CNTNAP5: variants seen among roughly 807,000 people sequenced by gnomAD.
CNTNAP5 encodes the protein contactin associated protein family member 5, also known as contactin-associated protein-like 5.
CNTNAP5 carries 72 observed loss-of-function variants against 150.2 expected under a neutral mutation model. That is an observed-to-expected ratio of 0.48 (90% CI 0.40 to 0.58). The LOEUF (loss-of-function observed/expected upper bound fraction) is 0.58, where lower values mean the gene tolerates loss of function less well. Among genes scored for constraint, CNTNAP5 ranks in the 20% least tolerant of loss-of-function variants. The pLI is 0.00. For missense variants in CNTNAP5, 1,636 were observed against 1,626.2 expected, an observed-to-expected ratio of 1.01 and a Z score of -0.10; for synonymous variants, 672 against 619.8, an observed-to-expected ratio of 1.08 and a Z score of -1.25.
At chr2:124,869,568 G>A (rs952839643) in intron 20 of CNTNAP5, 107 bp from the exon 21 acceptor site, 1 of 680,658 alleles carries the variant, frequency 1.5e-6, no homozygotes, top group South Asian at 1.7e-5. Context: ...TCAGAGGGGG[G>A]TCTGCTATCT....
At chr2:124,484,413 G>A (rs974328961) in intron 7 of CNTNAP5, among the ~76,000 whole-genome samples, 5 of 152,140 alleles carry the variant, frequency 3.3e-5, no homozygotes, top group Admixed American at 1.3e-4. Context: ...AATCTTTGAA[G>A]GAAGTAAGAT....
chr2:124,448,739 CAG>C (rs201123808), intron 6 of CNTNAP5, among the ~76,000 whole-genome samples: 1 of 152,162 alleles, frequency 6.6e-6, no homozygotes, highest in Non-Finnish European at 1.5e-5. Context: ...GAATATATGA[CAG>C]AGACTCTAAG....
chr2:124,832,451 C>A (rs1417245448), intron 19 of CNTNAP5, among the ~76,000 whole-genome samples: 1 of 152,070 alleles, frequency 6.6e-6, no homozygotes, highest in African/African-American at 2.4e-5. Flanking sequence ...AATATAAACT[C>A]ACTAATTTAA....
At chr2:124,081,818 G>A (rs182647683) in intron 1 of CNTNAP5, among the ~76,000 whole-genome samples, 75 of 152,288 alleles carry the variant, frequency 4.9e-4, no homozygotes, top group Admixed American at 1.2e-3. Context: ...GAAATAGTGA[G>A]AGATCCTGTG....
At chr2:124,403,166 G>A (rs892797999) in intron 3 of CNTNAP5, among the ~76,000 whole-genome samples, 1 of 152,224 alleles carries the variant, frequency 6.6e-6, no homozygotes, top group Non-Finnish European at 1.5e-5. Flanking sequence ...TTCAGAAAAT[G>A]TAAGTGTCAT....
chr2:124,492,060 T>C (rs1344472354), intron 7 of CNTNAP5, among the ~76,000 whole-genome samples: 1 of 152,202 alleles, frequency 6.6e-6, no homozygotes, highest in Non-Finnish European at 1.5e-5. Context: ...TTTTCTCCCA[T>C]TCTGTAGGTT....
chr2:124,773,713 G>A (rs1029442834), intron 17 of CNTNAP5, among the ~76,000 whole-genome samples: 4 of 152,034 alleles, frequency 2.6e-5, no homozygotes, highest in Admixed American at 6.6e-5. Flanking sequence ...AGTGGGTATT[G>A]AAAGATGAAT....
chr2:124,324,789 G>C (rs931197237), intron 3 of CNTNAP5, among the ~76,000 whole-genome samples: 2 of 152,154 alleles, frequency 1.3e-5, no homozygotes, highest in Non-Finnish European at 2.9e-5. Context: ...GGAAGAGAAA[G>C]AGGAAGTTAG....
chr2:124,674,727 A>T, intron 13 of CNTNAP5, among the ~76,000 whole-genome samples: 1 of 150,950 alleles, frequency 6.6e-6, no homozygotes, highest in East Asian at 1.9e-4. Flanking sequence ...TTCCATTGTG[A>T]TTTCTTTTTG....
chr2:124,246,528 C>T (rs13004388), intron 3 of CNTNAP5, among the ~76,000 whole-genome samples: 41,153 of 151,948 alleles, frequency 0.27, 5,837 homozygotes, highest in South Asian at 0.48. Context: ...ATTAAAATTC[C>T]GACTCTGGGC....
At chr2:124,688,301 C>T (rs972411492) in intron 13 of CNTNAP5, among the ~76,000 whole-genome samples, 4 of 151,896 alleles carry the variant, frequency 2.6e-5, no homozygotes, top group African/African-American at 7.3e-5. Context: ...ATCCTGAGGG[C>T]ATATGGGGAG....
At chr2:124,533,880 G>A (rs1031587298) in intron 10 of CNTNAP5, among the ~76,000 whole-genome samples, 5 of 152,336 alleles carry the variant, frequency 3.3e-5, no homozygotes, top group African/African-American at 1.2e-4. Flanking sequence ...TGTTTGTTGT[G>A]AGGTACCCCT....
chr2:124,507,717 G>A (rs1694447005), intron 8 of CNTNAP5, among the ~76,000 whole-genome samples: 1 of 152,144 alleles, frequency 6.6e-6, no homozygotes, highest in African/African-American at 2.4e-5. Flanking sequence ...AGCAATGCAG[G>A]TTTTCTCTAC....
chr2:124,033,866 T>C (rs72844464), intron 1 of CNTNAP5, among the ~76,000 whole-genome samples: 9,011 of 151,720 alleles, frequency 0.059, 379 homozygotes, highest in Non-Finnish European at 0.078. Context: ...CCCCACTGAG[T>C]ATAGGAAAGC....
At chr2:124,149,403 CAAAAA>C (rs71394025) in intron 1 of CNTNAP5, among the ~76,000 whole-genome samples, 142 of 82,776 alleles carry the variant, frequency 1.7e-3, no homozygotes, top group East Asian at 0.014. Flanking sequence ...GCGTCAATTG[CAAAAA>C]AAAAAAAAAA....
chr2:124,754,294 T>C (rs1680791470), intron 14 of CNTNAP5, among the ~76,000 whole-genome samples: 1 of 152,202 alleles, frequency 6.6e-6, no homozygotes, highest in Non-Finnish European at 1.5e-5. Flanking sequence ...TCTCTATTGG[T>C]TGAATTTTAT....
chr2:124,896,187 G>T (rs72963893), intron 21 of CNTNAP5, among the ~76,000 whole-genome samples: 1 of 151,468 alleles, frequency 6.6e-6, no homozygotes, highest in Non-Finnish European at 1.5e-5. Flanking sequence ...CAAAGAGAGC[G>T]TTCTGGATAA....
intron 19 of CNTNAP5, among the ~76,000 whole-genome samples, chr2:124,843,587 T>A (rs1682988141): frequency 6.6e-6 from 1 of 152,166 alleles, no homozygotes; most frequent in Admixed American, 6.5e-5. Flanking sequence ...ATCTCTACAT[T>A]GTTTTTCATA....
intron 7 of CNTNAP5, among the ~76,000 whole-genome samples, chr2:124,486,405 C>A (rs567363252): frequency 6.6e-6 from 1 of 152,152 alleles, no homozygotes; most frequent in Non-Finnish European, 1.5e-5. Flanking sequence ...CACTAAAGAA[C>A]TTACCGATGT....
Sources: gnomAD v4.1 joint callset for allele counts (sites outside exome capture counted in the v4.1 genomes callset) on GRCh38, gnomAD v4.1.1 for gene constraint, MANE v1.5 for transcripts, NCBI Gene and HGNC (gene_info 2026-07-23, HGNC 2026-07-21) for gene names.